CYP3A43: variants seen among roughly 807,000 people sequenced by gnomAD.
CYP3A43 encodes cytochrome P450 family 3 subfamily A member 43, also known as cytochrome P450 3A43.
A neutral mutation model predicts 58.0 loss-of-function variants in CYP3A43; 45 were observed. The ratio of observed to expected loss-of-function variants is 0.78; its 90% CI spans 0.61 to 0.99. The LOEUF (loss-of-function observed/expected upper bound fraction) is 0.99. CYP3A43 is among the 50% of genes least tolerant of loss of function. The pLI, the probability that CYP3A43 is intolerant of heterozygous loss-of-function variation, is 0.00. For missense variants in CYP3A43, 593 were observed against 591.9 expected, an observed-to-expected ratio of 1.00 and a Z score of -0.02; for synonymous variants, 191 against 201.4, an observed-to-expected ratio of 0.95 and a Z score of 0.44.
chr7:99,843,219 C>G (rs903210332), intron 3 of CYP3A43, among the ~76,000 whole-genome samples: 3 of 152,028 alleles, frequency 2.0e-5, no homozygotes, highest in Non-Finnish European at 2.9e-5. Context: ...TACCTACACA[C>G]TCTCCTTCTT....
At position 99,855,353 on chromosome 7, in the gene CYP3A43, G is replaced by A. The variant is rs146068213; in HGVS notation, c.671-238G>A. ...CTTTGGTCACTCTGAAGATGCAGAA[G>A]GGACCACTGATCTCACTGCTATAGT... On this transcript the variant is annotated intron_variant, in intron 7 of 12. Coordinates refer to ENST00000354829, the MANE Select transcript of CYP3A43 (RefSeq NM_057095.3). 404 of 403,604 alleles carry A rather than the reference G, an allele frequency of 1.0e-3. 3 individuals are homozygous for A. The highest frequency in any genetic ancestry group is 7.5e-3 in the African/African-American group (365 of 48,730). The allele number at this position is 403,604 out of a possible 1,614,324, so 25.0% of individuals were successfully genotyped here. A position where few individuals can be genotyped will look rare whatever the true frequency, so the allele number is the denominator to read the frequency against.
At chr7:99,841,889 C>T (rs894899044) in intron 3 of CYP3A43, among the ~76,000 whole-genome samples, 1 of 152,176 alleles carries the variant, frequency 6.6e-6, no homozygotes, top group Non-Finnish European at 1.5e-5. Flanking sequence ...AAGGATCTGA[C>T]ACATACTCTG....
intron 8 of CYP3A43, among the ~76,000 whole-genome samples, 189 bp downstream of exon 8, chr7:99,855,907 G>A (rs1403196092): frequency 6.6e-6 from 1 of 152,146 alleles, no homozygotes; most frequent in African/African-American, 2.4e-5. Context: ...GAGTGAAACA[G>A]CATTTGGAAT....
chr7:99,836,680 C>T, intron 2 of CYP3A43, 134 bp downstream of exon 2: 1 of 656,450 alleles, frequency 1.5e-6, no homozygotes, highest in Non-Finnish European at 2.5e-6. Context: ...TATGCTCCAC[C>T]CAGAGCAGGG....
Position 99,836,468 on chromosome 7 carries a change from A to C in CYP3A43, c.87A>C (p.Ser29=). 6.2e-7 allele frequency: 1 copy of C among 1,610,564 alleles called. No homozygotes were observed. The highest frequency in any genetic ancestry group is 8.5e-7 in the Non-Finnish European group (1 of 1,179,120). Residue 29 remains serine (S), a synonymous_variant, in exon 2 of 13, where the codon TCA becomes TCC. Coordinates refer to ENST00000354829, the MANE Select transcript of CYP3A43 (RefSeq NM_057095.3). The part of the protein sequence containing the change: ...LVLLYIYGTH[S]HKLFKKLGIP... ...TATTTTATAGTTATGGGACCCATTC[A>C]CATAAACTTTTTAAGAAGCTGGGAA...
intron 1 of CYP3A43, among the ~76,000 whole-genome samples, chr7:99,831,628 T>C (rs1248363390): frequency 6.6e-6 from 1 of 152,200 alleles, no homozygotes; most frequent in Non-Finnish European, 1.5e-5. Flanking sequence ...CTGCAATTGA[T>C]GGAGTTCACA....
chr7:99,863,757 A>G (rs758186796), intron 12 of CYP3A43, 58 bp downstream of exon 12: 7 of 1,343,846 alleles, frequency 5.2e-6, no homozygotes, highest in Middle Eastern at 2.1e-4. Context: ...TGAGAAGTCT[A>G]CATTTTTTAA....
chr7:99,837,813 C>G (rs998774155), intron 2 of CYP3A43, among the ~76,000 whole-genome samples: 1 of 152,168 alleles, frequency 6.6e-6, no homozygotes, highest in Non-Finnish European at 1.5e-5. Flanking sequence ...CACCAAGGGC[C>G]TGGGGCCATG....
chr7:99,832,851 C>CT (rs1816904381), intron 1 of CYP3A43, among the ~76,000 whole-genome samples: 1 of 152,160 alleles, frequency 6.6e-6, no homozygotes, highest in Non-Finnish European at 1.5e-5. Context: ...CCTCCCCAGC[C>CT]ATGGAGAACT....
chr7:99,858,671 AT>A (rs1818093935), intron 9 of CYP3A43, among the ~76,000 whole-genome samples: 1 of 30,654 alleles, frequency 3.3e-5, no homozygotes, highest in African/African-American at 1.5e-4. Context: ...TATTATTATT[AT>A]TATTATTATT....
At chr7:99,839,038 A>T (rs1817213299) in intron 2 of CYP3A43, 82 bp from the exon 3 acceptor site, 1 of 1,497,896 alleles carries the variant, frequency 6.7e-7, no homozygotes, top group African/African-American at 1.4e-5. Context: ...AAGTCATTGG[A>T]TTTGACTTTT....
intron 1 of CYP3A43, among the ~76,000 whole-genome samples, chr7:99,833,614 T>C (rs752582157): frequency 5.3e-5 from 8 of 152,338 alleles, no homozygotes; most frequent in East Asian, 1.9e-4. Flanking sequence ...TTTTTTCATA[T>C]ACAACTCAGT....
intron 2 of CYP3A43, among the ~76,000 whole-genome samples, chr7:99,837,331 A>G (rs968359881): frequency 2.0e-4 from 30 of 151,458 alleles, no homozygotes; most frequent in South Asian, 8.3e-4. Flanking sequence ...AAAAAAAAAA[A>G]AAAAGAAAAG....
intron 3 of CYP3A43, among the ~76,000 whole-genome samples, chr7:99,839,983 A>G (rs1403019901): frequency 6.6e-6 from 1 of 152,172 alleles, no homozygotes; most frequent in African/African-American, 2.4e-5. Flanking sequence ...ATGGGGTGAC[A>G]AAGATAAGGG....
intron 7 of CYP3A43, among the ~76,000 whole-genome samples, chr7:99,851,248 A>G (rs10254830): frequency 0.027 from 4,087 of 152,118 alleles, 185 homozygotes; most frequent in African/African-American, 0.093. Flanking sequence ...ACTATTGTGA[A>G]TAGTGCTGCT....
At chr7:99,837,595 A>G (rs1402907598) in intron 2 of CYP3A43, among the ~76,000 whole-genome samples, 1 of 152,178 alleles carries the variant, frequency 6.6e-6, no homozygotes, top group African/African-American at 2.4e-5. Context: ...TGAAGACAAT[A>G]TGGAGGCTGT....
chr7:99,838,568 A>G (rs1817185591), intron 2 of CYP3A43: 3 of 855,878 alleles, frequency 3.5e-6, no homozygotes, highest in African/African-American at 3.6e-5. Context: ...CTTAGTGTTC[A>G]TAGACAGAAG....
chr7:99,852,599 A>T (rs1050925582), intron 7 of CYP3A43, among the ~76,000 whole-genome samples: 3 of 152,128 alleles, frequency 2.0e-5, no homozygotes, highest in African/African-American at 4.8e-5. Context: ...TGGATTGTAT[A>T]TTGTAACGTA....
intron 7 of CYP3A43, 25 bp from the exon 8 acceptor site, chr7:99,855,564 TTC>T (rs1029976853): frequency 3.8e-6 from 6 of 1,577,762 alleles, no homozygotes; most frequent in African/African-American, 1.4e-5. Context: ...GATTTATTTT[TTC>T]TTTTTCTATT....
Sources: allele counts gnomAD v4.1 joint callset (sites outside exome capture counted in the v4.1 genomes callset), GRCh38; gene constraint gnomAD v4.1.1; transcripts MANE v1.5; gene names NCBI Gene and HGNC (gene_info 2026-07-23, HGNC 2026-07-21).